Variants in ZNF44 observed in about 807,000 individuals in gnomAD.
The protein encoded by ZNF44 is gonadotropin inducible transcription repressor-2.
Under a neutral mutation model 11.7 loss-of-function variants are expected in ZNF44, and 9 were observed. That is an observed-to-expected ratio of 0.77 (90% CI 0.46 to 1.35). The LOEUF (loss-of-function observed/expected upper bound fraction) is 1.35, where lower values mean the gene tolerates loss of function less well. ZNF44 is among the 40% of genes most tolerant of loss of function. ZNF44 has a pLI of 0.00. For synonymous variants in ZNF44, 224 were observed against 242.7 expected, an observed-to-expected ratio of 0.92 and a Z score of 0.72; for missense variants, 696 against 743.1, an observed-to-expected ratio of 0.94 and a Z score of 0.74.
At chr19:12,227,317 T>C (rs1428646644) in intron 3 of ZNF44, among the ~76,000 whole-genome samples, 1 of 151,874 alleles carries the variant, frequency 6.6e-6, no homozygotes, top group Non-Finnish European at 1.5e-5. Context: ...AGTTTTAGGA[T>C]AGGCCGGGCG....
In ZNF44 at chr19:12,273,853, A is replaced by G. The variant is rs1967092596; in HGVS notation, c.402T>C (p.His134=). ...VDTGHKHREC[H]EYAEKSYTHK... is the part of the protein sequence containing the mutation. ...GTGTATATGACTTCTCTGCATATTC[A>G]TGACACTCCCGGTGTTTGTGTCCAG... is the stretch of plus-strand genomic sequence containing the variant. The change falls in exon 4 of 4, where the codon CAT becomes CAC. Residue 134 remains histidine (H), a synonymous_variant. Coordinates refer to ENST00000355684, the MANE Select transcript of ZNF44 (RefSeq NM_016264.4). The G allele has an allele frequency of 6.2e-7, 1 of 1,614,128 alleles. No individual in the cohort carries two copies. The highest frequency in any genetic ancestry group is 1.3e-5 in the African/African-American group (1 of 75,028).
At chr19:12,269,740 G>T (rs1966895655), downstream of ZNF44, among the ~76,000 whole-genome samples, 1 of 152,068 alleles carries the variant, frequency 6.6e-6, no homozygotes, top group African/African-American at 2.4e-5. Flanking sequence ...ATTTGGATTG[G>T]ATTTTCCCAA....
downstream of ZNF44, among the ~76,000 whole-genome samples, chr19:12,267,044 T>TTTTC (rs1464490324): frequency 2.5e-4 from 32 of 129,794 alleles, 1 homozygote; most frequent in Non-Finnish European, 3.1e-4. Flanking sequence ...TTCTTTTTTC[T>TTTTC]TTTTTTTTTT....
At chr19:12,248,527 G>A in exon 8 of ZNF44, 1 of 1,290,838 alleles carries the variant, frequency 7.7e-7, no homozygotes. Context: ...AGGGATGAAT[G>A]ATGGCTCAAG....
At chr19:12,251,528 TC>T (rs1308186043) in intron 5 of ZNF44, among the ~76,000 whole-genome samples, 2 of 152,108 alleles carry the variant, frequency 1.3e-5, no homozygotes, top group African/African-American at 4.8e-5. Flanking sequence ...TTTCTTTCTG[TC>T]CCATTTCATG....
chr19:12,235,152 G>A (rs1010103411), intron 1 of ZNF44, among the ~76,000 whole-genome samples: 7 of 152,078 alleles, frequency 4.6e-5, no homozygotes, highest in African/African-American at 1.2e-4. Context: ...AGAGGCGGGC[G>A]GATCACAAGG....
chr19:12,279,058 T>A (rs1228623786), intron 1 of ZNF44, among the ~76,000 whole-genome samples: 1 of 152,208 alleles, frequency 6.6e-6, no homozygotes, highest in East Asian at 1.9e-4. Context: ...TTTTTTACTT[T>A]TAGCTTCTAA....
chr19:12,242,112 T>G (rs1171279781), upstream of ZNF44, among the ~76,000 whole-genome samples: 3 of 152,170 alleles, frequency 2.0e-5, no homozygotes, highest in Admixed American at 2.0e-4. Context: ...ATTCTGGAAC[T>G]AGCTAGCTAG....
intron 5 of ZNF44, among the ~76,000 whole-genome samples, chr19:12,262,262 ATTTTTC>A (rs983338938): frequency 1.3e-5 from 2 of 152,038 alleles, no homozygotes; most frequent in Non-Finnish European, 2.9e-5. Context: ...ATAAAAATTC[ATTTTTC>A]TTTTTCTTTT....
chr19:12,247,272 A>T (rs1283178497), downstream of ZNF44: 1 of 1,205,096 alleles, frequency 8.3e-7, no homozygotes, highest in Admixed American at 3.5e-5. Flanking sequence ...TTACATTTAT[A>T]GTTTCTATTC....
At chr19:12,279,021 G>A (rs1376117640) in intron 1 of ZNF44, among the ~76,000 whole-genome samples, 1 of 152,294 alleles carries the variant, frequency 6.6e-6, no homozygotes, top group East Asian at 1.9e-4. Flanking sequence ...GACTGGAAGA[G>A]GTCAGGTTTT....
chr19:12,251,692 G>A (rs1917001744), intron 5 of ZNF44, among the ~76,000 whole-genome samples: 1 of 152,150 alleles, frequency 6.6e-6, no homozygotes, highest in Non-Finnish European at 1.5e-5. Context: ...TGCCAAAAGA[G>A]CTCTTTCCAG....
At chr19:12,292,902 C>T (rs189211408) in intron 1 of ZNF44, among the ~76,000 whole-genome samples, 5 of 120,884 alleles carry the variant, frequency 4.1e-5, no homozygotes, top group African/African-American at 6.4e-5. Flanking sequence ...TCCCTCTTGT[C>T]GCCCAGGCTG....
At chr19:12,265,237 C>G (rs548533783) in intron 5 of ZNF44, among the ~76,000 whole-genome samples, 2 of 152,082 alleles carry the variant, frequency 1.3e-5, no homozygotes, top group Non-Finnish European at 2.9e-5. Flanking sequence ...GAGGCACGCT[C>G]TCTACAAAAA....
Position 12,274,959 on chromosome 19 carries a change from T to G in ZNF44, c.191+14A>C, listed in dbSNP as rs753680133. 19 of 1,574,968 alleles carry G rather than the reference T, an allele frequency of 1.2e-5. No homozygotes were observed. Among genetic ancestry groups the G allele is most frequent in the Non-Finnish European group, 1.6e-5 (19 of 1,158,604 alleles). ...CTGCAAGGACATCACCTGTCTCTTA[T>G]AAGTACAAATTACCTTGGATTTCTC... On this transcript the variant is annotated intron_variant, in intron 3 of 3. Transcript: ENST00000355684.
upstream of ZNF44, among the ~76,000 whole-genome samples, chr19:12,241,667 C>T (rs1916619367): frequency 6.6e-6 from 1 of 152,170 alleles, no homozygotes; most frequent in African/African-American, 2.4e-5. Flanking sequence ...TGCACTCCAG[C>T]CTGGGCAACA....
At chr19:12,274,203 G>A in intron 3 of ZNF44, 140 bp from the exon 4 acceptor site, 2 of 622,270 alleles carry the variant, frequency 3.2e-6, no homozygotes, top group East Asian at 3.1e-5. Flanking sequence ...ACTGAATGTT[G>A]TGCAAGATAA....
downstream of ZNF44, among the ~76,000 whole-genome samples, chr19:12,243,017 T>C (rs933117191): frequency 6.6e-6 from 1 of 152,116 alleles, no homozygotes; most frequent in African/African-American, 2.4e-5. Context: ...ACTTAACAAA[T>C]TGCCAAAATA....
intron 1 of ZNF44, among the ~76,000 whole-genome samples, chr19:12,282,327 C>T (rs536962415): frequency 6.6e-6 from 1 of 151,918 alleles, no homozygotes; most frequent in African/African-American, 2.4e-5. Flanking sequence ...ACTGGTCTCA[C>T]ATATAGGCAT....
Sources: gnomAD v4.1 joint callset for allele counts (sites outside exome capture counted in the v4.1 genomes callset) on GRCh38, gnomAD v4.1.1 for gene constraint, MANE v1.5 for transcripts, NCBI Gene and HGNC (gene_info 2026-07-23, HGNC 2026-07-21) for gene names.